Variants in ADSL observed in about 807,000 individuals in gnomAD.
The protein encoded by ADSL is adenylosuccinase.
ADSL carries 44 observed loss-of-function variants against 62.1 expected under a neutral mutation model. The ratio of observed to expected loss-of-function variants is 0.71; its 90% CI spans 0.56 to 0.91. The LOEUF (loss-of-function observed/expected upper bound fraction) is 0.91, where lower values mean the gene tolerates loss of function less well. Among genes scored for constraint, ADSL ranks in the 40% least tolerant of loss-of-function variants. The pLI is 0.00. For synonymous variants in ADSL, 198 were observed against 220.5 expected (o/e 0.90, Z 0.90); for missense variants, 531 against 627.4 (o/e 0.85, Z 1.64).
At chr22:40,363,150 G>A (rs2044859320) in intron 10 of ADSL, 79 bp downstream of exon 10, 3 of 1,360,634 alleles carry the variant, frequency 2.2e-6, no homozygotes, top group Admixed American at 1.7e-5. Flanking sequence ...GGTGTGTTGA[G>A]GGAGCTGTAT....
Position 40,349,883 on chromosome 22 carries a change from C to G in ADSL, c.205C>G (p.Leu69Val), listed in dbSNP as rs200169254. ...ACAAATCCAGGAGATGAAATCAAAC[C>G]TGGAGAACATCGACTTCAAGATGGC... ...DEQIQEMKSN[L>V]ENIDFKMAAE... is the part of the protein sequence containing the mutation. Residue 69 changes from leucine (L) to valine (V), a missense_variant, in exon 2 of 13, where the codon CTG becomes GTG. Leu to Val is a conservative substitution (Grantham distance 32). This residue lies in a region of ADSL where 471 missense variants were observed against 592.9 expected (regional missense o/e 0.79). Transcript: ENST00000623063. The G allele has an allele frequency of 6.2e-6, 10 of 1,613,958 alleles. No homozygotes were observed. Among genetic ancestry groups the G allele is most frequent in the Non-Finnish European group, 7.6e-6 (9 of 1,180,024 alleles).
intron 2 of ADSL, among the ~76,000 whole-genome samples, chr22:40,384,443 C>A (rs564932101): frequency 2.6e-5 from 4 of 152,030 alleles, no homozygotes; most frequent in Admixed American, 6.6e-5. Flanking sequence ...ATAGGGAGAC[C>A]CCCATCTCCA....
intron 1 of ADSL, chr22:40,348,713 T>C: frequency 2.5e-6 from 1 of 397,744 alleles, no homozygotes. Flanking sequence ...AATTAATCAA[T>C]TTAAATTTAA....
chr22:40,358,844 T>C lies in ADSL; in HGVS notation c.483-20T>C, dbSNP rs1005289068. 1.2e-6 allele frequency: 2 copies of C among 1,613,798 alleles called. No individual in the cohort carries two copies. The highest frequency in any genetic ancestry group is 1.7e-6 in the Non-Finnish European group (2 of 1,179,818). On this transcript the variant is annotated intron_variant, in intron 4 of 12. Coordinates refer to ENST00000623063, the MANE Select transcript of ADSL (RefSeq NM_000026.4). ...AAGGTCTCGGTCTGAGACTTTCGTG[T>C]GTTCTCTTTGGGTTTTCAGGCCTGC...
chr22:40,362,138 T>G (rs2044815798), intron 9 of ADSL, among the ~76,000 whole-genome samples: 1 of 152,192 alleles, frequency 6.6e-6, no homozygotes, highest in South Asian at 2.1e-4. Context: ...TCTTGATTAG[T>G]TATGAGATGA....
intron 7 of ADSL, among the ~76,000 whole-genome samples, chr22:40,360,814 C>T (rs2044754622): frequency 6.6e-6 from 1 of 151,594 alleles, no homozygotes; most frequent in Non-Finnish European, 1.5e-5. Flanking sequence ...CCTCCACCTC[C>T]TGGGTTCGAG....
At chr22:40,378,993 T>C (rs775995666) in intron 2 of ADSL, among the ~76,000 whole-genome samples, 2 of 152,214 alleles carry the variant, frequency 1.3e-5, no homozygotes, top group Non-Finnish European at 2.9e-5. Context: ...AGGTGTTTGC[T>C]CAGATTTTTC....
downstream of ADSL, among the ~76,000 whole-genome samples, chr22:40,370,188 T>G (rs1402974471): frequency 6.6e-6 from 1 of 151,222 alleles, no homozygotes; most frequent in East Asian, 2.0e-4. Context: ...AAAAATACTG[T>G]ACTAAAAATA....
chr22:40,375,299 GC>G (rs1461260432), intron 2 of ADSL, among the ~76,000 whole-genome samples: 1 of 152,152 alleles, frequency 6.6e-6, no homozygotes, highest in African/African-American at 2.4e-5. Flanking sequence ...AGATTGATAG[GC>G]CGGTTGTGGT....
Position 40,346,680 on chromosome 22 carries a change from A to C in ADSL, c.122A>C (p.Gln41Pro), listed in dbSNP as rs1419495577. The C allele has an allele frequency of 1.2e-6, 2 of 1,612,376 alleles. No individual in the cohort carries two copies. Among genetic ancestry groups the C allele is most frequent in the Non-Finnish European group, 1.7e-6 (2 of 1,179,654 alleles). Residue 41 changes from glutamine (Q) to proline (P), a missense_variant, in exon 1 of 13, where the codon CAG (glutamine) becomes CCG (proline). Around this residue, in one of 2 missense-constraint regions of ADSL, gnomAD observed 471 missense variants for 592.9 expected, o/e 0.79. Coordinates refer to ENST00000623063, the MANE Select transcript of ADSL (RefSeq NM_000026.4). Reference protein sequence around the residue: ...SDRYKFRTWRQLWLWLAEAEQ... With the variant: ...SDRYKFRTWRPLWLWLAEAEQ... ...AGGTATAAATTCCGGACATGGCGGC[A>C]GCTGTGGCTGTGGCTGGCGGAGGCC...
chr22:40,359,146 C>T (rs771546241), intron 5 of ADSL, 111 bp downstream of exon 5: 16 of 1,585,438 alleles, frequency 1.0e-5, no homozygotes, highest in Middle Eastern at 1.7e-4. Flanking sequence ...TGGGGTCTTT[C>T]GACTAGAAGG....
At chr22:40,353,469 G>T (rs1430071951) in intron 3 of ADSL, 2 of 696,568 alleles carry the variant, frequency 2.9e-6, no homozygotes, top group Non-Finnish European at 5.2e-6. Context: ...ATTTTCTGTA[G>T]AAATGGTTTT....
intron 4 of ADSL, among the ~76,000 whole-genome samples, chr22:40,356,805 C>T (rs143919858): frequency 1.3e-4 from 20 of 152,030 alleles, no homozygotes; most frequent in African/African-American, 3.9e-4. Context: ...ATTATACCAG[C>T]GTGTGCCAGC....
chr22:40,356,548 A>G (rs375951283), intron 4 of ADSL, among the ~76,000 whole-genome samples: 54 of 151,954 alleles, frequency 3.6e-4, no homozygotes, highest in African/African-American at 8.7e-4. Flanking sequence ...AAAAAAAAAA[A>G]AAAGAAAGAA....
intron 2 of ADSL, among the ~76,000 whole-genome samples, chr22:40,381,229 C>T (rs1220512991): frequency 6.6e-6 from 1 of 151,840 alleles, no homozygotes; most frequent in African/African-American, 2.4e-5. Context: ...CTCATTGCAA[C>T]CTCCACCTCC....
intron 2 of ADSL, among the ~76,000 whole-genome samples, chr22:40,351,465 C>G (rs2044345578): frequency 6.6e-6 from 1 of 152,108 alleles, no homozygotes; most frequent in African/African-American, 2.4e-5. Flanking sequence ...AGCCACCACG[C>G]CTGGCAAATT....
intron 9 of ADSL, among the ~76,000 whole-genome samples, chr22:40,362,229 G>T (rs980603274): frequency 1.3e-5 from 2 of 152,252 alleles, no homozygotes; most frequent in East Asian, 1.9e-4. Flanking sequence ...ACTTAAAGCA[G>T]ATTGGCATTA....
At chr22:40,376,218 G>A (rs1246879196) in intron 2 of ADSL, 1 of 86,850 alleles carries the variant, frequency 1.2e-5, no homozygotes, top group Non-Finnish European at 2.3e-5. Flanking sequence ...TTTGTCTTTT[G>A]GAAACAGTAC....
chr22:40,359,780 G>C (rs2044709493), intron 6 of ADSL, among the ~76,000 whole-genome samples: 1 of 152,088 alleles, frequency 6.6e-6, no homozygotes, highest in South Asian at 2.1e-4. Flanking sequence ...CGATCCACCT[G>C]CCTCAGCCTC....
Sources: gnomAD v4.1 joint callset for allele counts (sites outside exome capture counted in the v4.1 genomes callset) on GRCh38, gnomAD v4.1.1 for gene constraint, gnomAD v4.1.1 regional missense constraint, MANE v1.5 for transcripts, NCBI Gene and HGNC (gene_info 2026-07-23, HGNC 2026-07-21) for gene names.